Variants in LPAR3 observed in about 807,000 individuals in gnomAD.
LPAR3 encodes the protein lysophosphatidic acid receptor 3.
A neutral mutation model predicts 17.8 loss-of-function variants in LPAR3; 7 were observed. The observed-to-expected ratio is 0.39, with a 90% CI of 0.22 to 0.74. LPAR3 has a LOEUF of 0.74. Ranked by LOEUF, LPAR3 falls within the 30% of genes least tolerant of loss-of-function variation. The pLI, the probability that LPAR3 is intolerant of heterozygous loss-of-function variation, is 0.40. For synonymous variants in LPAR3, 179 were observed against 179.9 expected, an observed-to-expected ratio of 0.99 and a Z score of 0.04; for missense variants, 391 against 453.4, an observed-to-expected ratio of 0.86 and a Z score of 1.25.
chr1:84,886,787 TAGA>T (rs1377496231), intron 1 of LPAR3, among the ~76,000 whole-genome samples: 1 of 152,060 alleles, frequency 6.6e-6, no homozygotes, highest in African/African-American at 2.4e-5. Flanking sequence ...TCAAGGAAAG[TAGA>T]AGATGAGTCC....
chr1:84,852,284 T>C (rs1326623032), intron 2 of LPAR3, among the ~76,000 whole-genome samples: 1 of 152,192 alleles, frequency 6.6e-6, no homozygotes, highest in Non-Finnish European at 1.5e-5. Context: ...TTTCACCATG[T>C]TGGCCAGGAT....
At chr1:84,846,041 C>A (rs1387689577) in intron 2 of LPAR3, among the ~76,000 whole-genome samples, 1 of 152,146 alleles carries the variant, frequency 6.6e-6, no homozygotes. Flanking sequence ...GGCTCCAATT[C>A]CCTCAGCTTC....
At position 84,846,196 on chromosome 1, in the gene LPAR3, T is replaced by TA. The variant is rs1218729374; in HGVS notation, c.736+19188dup. Among the ~76,000 whole-genome samples the TA allele has an allele frequency of 3.9e-5, 6 of 152,266 alleles. No homozygotes were observed. The South Asian group carries it at 1.0e-3, about 26-fold the overall frequency. On this transcript the variant is annotated intron_variant, in intron 2 of 2. Transcript: ENST00000370611. Reference sequence around the variant, plus strand: ...AGACTTTCCAGACAAATTCTCATGTTAAAAAAAGCCATTTTAAAGATGTTT... The same window carrying TA: ...AGACTTTCCAGACAAATTCTCATGTTAAAAAAAAGCCATTTTAAAGATGTTT...
At chr1:84,868,200 C>A (rs1191841741) in intron 1 of LPAR3, among the ~76,000 whole-genome samples, 1 of 152,144 alleles carries the variant, frequency 6.6e-6, no homozygotes, top group Non-Finnish European at 1.5e-5. Context: ...ACCTCTGCCT[C>A]CTGGGTTCAA....
intron 2 of LPAR3, among the ~76,000 whole-genome samples, chr1:84,848,122 TCCAACAA>T (rs1239401068): frequency 6.6e-5 from 10 of 152,116 alleles, no homozygotes; most frequent in Admixed American, 6.5e-4. Flanking sequence ...TACTGAACTG[TCCAACAA>T]GCCTGGCCAC....
At chr1:84,890,827 A>G (rs1660539971) in intron 1 of LPAR3, among the ~76,000 whole-genome samples, 1 of 152,190 alleles carries the variant, frequency 6.6e-6, no homozygotes, top group African/African-American at 2.4e-5. Flanking sequence ...GTTATCACGC[A>G]CTGCTGCTCC....
intron 2 of LPAR3, among the ~76,000 whole-genome samples, chr1:84,846,353 C>A (rs1321747877): frequency 1.3e-5 from 2 of 152,194 alleles, no homozygotes; most frequent in Non-Finnish European, 2.9e-5. Context: ...TGCAGAACTG[C>A]ATACAATTTT....
At chr1:84,814,262 A>G in intron 2 of LPAR3, 91 bp from the exon 3 acceptor site, 1 of 1,030,918 alleles carries the variant, frequency 9.7e-7, no homozygotes, top group Non-Finnish European at 1.4e-6. Context: ...CAGTGGCATC[A>G]AGGGGCCCTC....
intron 2 of LPAR3, among the ~76,000 whole-genome samples, chr1:84,825,645 G>A (rs561920283): frequency 1.1e-4 from 17 of 152,248 alleles, no homozygotes; most frequent in African/African-American, 4.1e-4. Flanking sequence ...TTCTATTCTA[G>A]TCACAAATCC....
intron 2 of LPAR3, among the ~76,000 whole-genome samples, chr1:84,814,696 G>A (rs1422840581): frequency 3.9e-5 from 6 of 152,166 alleles, no homozygotes; most frequent in Non-Finnish European, 7.4e-5. Context: ...TCTTCTAGTA[G>A]TTTAACCAAA....
At chr1:84,843,182 C>T (rs1306229547) in intron 2 of LPAR3, among the ~76,000 whole-genome samples, 1 of 152,200 alleles carries the variant, frequency 6.6e-6, no homozygotes, top group Non-Finnish European at 1.5e-5. Flanking sequence ...CTGTCTTCAC[C>T]TTCACATTTA....
Position 84,812,982 on chromosome 1 carries a change from A to G in LPAR3, c.*864T>C, listed in dbSNP as rs11161462. The G allele has an allele frequency of 0.74, 111,809 of 151,154 alleles. 41,440 individuals are homozygous for G. Among genetic ancestry groups the G allele is most frequent in the African/African-American group, 0.8 (32,798 of 41,142 alleles). The allele number at this position is 151,154 out of a possible 1,614,324, so 9.4% of individuals were successfully genotyped here. ...TGAGGGAAAATGAGAACTAATGTGG[A>G]CTGGCGGGAGGCAGTCTGGGGCGGT... On this transcript the variant is annotated 3_prime_UTR_variant, in exon 3 of 3. Transcript: ENST00000370611.
intron 1 of LPAR3, among the ~76,000 whole-genome samples, chr1:84,877,957 T>G (rs141190490): frequency 6.6e-6 from 1 of 151,832 alleles, no homozygotes; most frequent in Non-Finnish European, 1.5e-5. Context: ...GGAAACCTGA[T>G]GACAATTGTG....
At chr1:84,849,241 G>T (rs996292173) in intron 2 of LPAR3, among the ~76,000 whole-genome samples, 3 of 151,946 alleles carry the variant, frequency 2.0e-5, no homozygotes, top group Admixed American at 1.3e-4. Flanking sequence ...CGGGCGTGGT[G>T]GTGGGCACCT....
chr1:84,849,372 CAAAAAAAAAA>C (rs34239236), intron 2 of LPAR3, among the ~76,000 whole-genome samples: 2 of 77,548 alleles, frequency 2.6e-5, no homozygotes, highest in Non-Finnish European at 4.7e-5. Flanking sequence ...AGACTCATCT[CAAAAAAAAAA>C]AAAAAAAAAA....
At chr1:84,839,581 G>C (rs1659471186) in intron 2 of LPAR3, among the ~76,000 whole-genome samples, 1 of 152,198 alleles carries the variant, frequency 6.6e-6, no homozygotes, top group Admixed American at 6.5e-5. Context: ...TGAGGTGGGA[G>C]GATCACTTGA....
intron 2 of LPAR3, among the ~76,000 whole-genome samples, chr1:84,818,862 T>C (rs1330616488): frequency 6.6e-6 from 1 of 152,252 alleles, no homozygotes; most frequent in African/African-American, 2.4e-5. Flanking sequence ...GCACTGATTT[T>C]AGTTATCAAT....
chr1:84,880,797 T>G (rs1660350946), intron 1 of LPAR3, among the ~76,000 whole-genome samples: 1 of 152,096 alleles, frequency 6.6e-6, no homozygotes, highest in African/African-American at 2.4e-5. Flanking sequence ...GAGTACACAC[T>G]TTCCACACCC....
At chr1:84,873,557 T>G (rs1383086527) in intron 1 of LPAR3, among the ~76,000 whole-genome samples, 1 of 152,174 alleles carries the variant, frequency 6.6e-6, no homozygotes, top group Non-Finnish European at 1.5e-5. Flanking sequence ...TAACTGAGAA[T>G]GAGATGCCTC....
Sources: gnomAD v4.1 joint callset for allele counts (sites outside exome capture counted in the v4.1 genomes callset) on GRCh38, gnomAD v4.1.1 for gene constraint, MANE v1.5 for transcripts, NCBI Gene and HGNC (gene_info 2026-07-23, HGNC 2026-07-21) for gene names.